THAP5: variants seen among roughly 807,000 people sequenced by gnomAD.
THAP5 encodes THAP domain containing 5.
THAP5 carries 26 observed loss-of-function variants against 34.0 expected under a neutral mutation model. The observed-to-expected ratio is 0.77, with a 90% CI of 0.56 to 1.06. THAP5 has a LOEUF of 1.06. Ranked by LOEUF, THAP5 falls within the 50% of genes least tolerant of loss-of-function variation. THAP5 has a pLI of 0.00. For synonymous variants in THAP5, 125 were observed against 153.0 expected (o/e 0.82, Z 1.35); for missense variants, 394 against 452.8 (o/e 0.87, Z 1.18).
At chr7:108,559,379 A>G (rs1164585797), downstream of THAP5, among the ~76,000 whole-genome samples, 2 of 152,032 alleles carry the variant, frequency 1.3e-5, no homozygotes, top group African/African-American at 4.8e-5. Context: ...TGGAGAGAGG[A>G]AATAAGTGAA....
chr7:108,564,129 A>G lies in THAP5; in HGVS notation c.*62T>C. On this transcript the variant is annotated 3_prime_UTR_variant, in exon 3 of 3. Coordinates refer to ENST00000415914, the MANE Select transcript of THAP5 (RefSeq NM_001130475.3). ...TTATACAGGAAACAGTTCACTTTAC[A>G]TGTAGTTTGGTTTGGCTGGAAAAAG... 10 of 1,314,682 alleles carry G rather than the reference A, an allele frequency of 7.6e-6. No homozygotes were observed. In the South Asian group the frequency reaches 1.5e-4, roughly 20 times the overall value. 81.4% of individuals were successfully genotyped at this position (1,314,682 alleles called of 1,614,324 possible). A position where few individuals can be genotyped will look rare whatever the true frequency, so the allele number is the denominator to read the frequency against.
chr7:108,562,627 C>T lies in THAP5; in HGVS notation c.*1564G>A, dbSNP rs577944403. 2.6e-5 allele frequency: 4 copies of T among 152,284 alleles called. No individual in the cohort carries two copies. Among genetic ancestry groups the T allele is most frequent in the East Asian group, 1.9e-4 (1 of 5,194 alleles). 9.4% of individuals were successfully genotyped at this position (152,284 alleles called of 1,614,324 possible). ...CCACTCTTTAAGGTAAGTAATAGTA[C>T]GTTCTACTTAACAGATGAAAAAACT... is the stretch of plus-strand genomic sequence containing the variant. On this transcript the variant is annotated 3_prime_UTR_variant, in exon 3 of 3. Transcript: ENST00000415914.
downstream of THAP5, among the ~76,000 whole-genome samples, chr7:108,558,564 A>G (rs191123306): frequency 5.3e-4 from 80 of 150,924 alleles, 1 homozygote; most frequent in East Asian, 0.013. Context: ...CACCTGGCTA[A>G]TATTTGTATT....
chr7:108,542,063 C>T, the THAP5 span, among the ~76,000 whole-genome samples: 2 of 152,172 alleles, frequency 1.3e-5, no homozygotes, highest in African/African-American at 2.4e-5. Context: ...AAAAAAAACC[C>T]TTAAATTCAA....
chr7:108,569,016 C>G (rs1790549041), intron 1 of THAP5: 1 of 794,830 alleles, frequency 1.3e-6, no homozygotes, highest in Admixed American at 5.4e-5. Flanking sequence ...TGACACTAAA[C>G]TTTCAAGGTC....
At chr7:108,569,469 T>G in intron 1 of THAP5, 21 bp downstream of exon 1, 2 of 1,551,608 alleles carry the variant, frequency 1.3e-6, no homozygotes, top group Non-Finnish European at 1.7e-6. Context: ...GGCTGACGCT[T>G]CTGCTCCAGA....
intron 1 of THAP5, among the ~76,000 whole-genome samples, chr7:108,567,799 T>C (rs955125475): frequency 2.6e-5 from 4 of 152,228 alleles, no homozygotes; most frequent in African/African-American, 9.6e-5. Flanking sequence ...ATTTTGTGGA[T>C]TACACAAGAA....
At chr7:108,558,342 G>A (rs561567407), downstream of THAP5, among the ~76,000 whole-genome samples, 157 of 135,558 alleles carry the variant, frequency 1.2e-3, 1 homozygote, top group African/African-American at 4.2e-3. Flanking sequence ...GCCACTTGTA[G>A]ATAGTTTTAT....
At chr7:108,546,440 A>G in the THAP5 span, among the ~76,000 whole-genome samples, 8 of 152,232 alleles carry the variant, frequency 5.3e-5, no homozygotes, top group Admixed American at 2.6e-4. Flanking sequence ...CTGGTTCTTC[A>G]GTGATACATA....
chr7:108,569,309 C>G (rs1011339357), intron 1 of THAP5, 181 bp downstream of exon 1: 1 of 1,448,404 alleles, frequency 6.9e-7, no homozygotes, highest in African/African-American at 1.4e-5. Flanking sequence ...AGTCCTCGCG[C>G]AAGAAGGGCA....
chr7:108,547,200 C>T, the THAP5 span, among the ~76,000 whole-genome samples: 3 of 152,210 alleles, frequency 2.0e-5, no homozygotes, highest in African/African-American at 2.4e-5. Flanking sequence ...AATTCTTTCT[C>T]ATCTTTTAAT....
chr7:108,557,874 G>A (rs1353395823), downstream of THAP5, among the ~76,000 whole-genome samples: 1 of 152,144 alleles, frequency 6.6e-6, no homozygotes, highest in Admixed American at 6.6e-5. Flanking sequence ...ACCTAAGACT[G>A]GTTAATTTCT....
the THAP5 span, among the ~76,000 whole-genome samples, chr7:108,545,607 T>C: frequency 6.6e-6 from 1 of 152,208 alleles, no homozygotes; most frequent in African/African-American, 2.4e-5. Flanking sequence ...AATATCTATT[T>C]AGAAAAATAT....
downstream of THAP5, among the ~76,000 whole-genome samples, chr7:108,552,457 T>C (rs918627751): frequency 2.0e-5 from 3 of 152,158 alleles, no homozygotes; most frequent in Non-Finnish European, 2.9e-5. Flanking sequence ...CAAAATGTTG[T>C]TGTGTTTGCT....
exon 2 of THAP5, chr7:108,554,659 A>G (rs1864374034): frequency 6.6e-6 from 1 of 152,234 alleles, no homozygotes; most frequent in South Asian, 2.1e-4. Flanking sequence ...TAGATCTTCA[A>G]GTAGCCTCAT....
rs1025960442 is a variant in THAP5, at chr7:108,564,655, T to C, written c.724A>G (p.Met242Val). 3.7e-6 allele frequency: 6 copies of C among 1,613,906 alleles called. No individual in the cohort carries two copies. The highest frequency in any genetic ancestry group is 1.6e-4 in the Middle Eastern group (1 of 6,080). ...LANPNFTSNSMEIKSAQENPF... is the reference protein window; with the variant it reads ...LANPNFTSNSVEIKSAQENPF... ...TTTTCCTGTGCTGACTTTATTTCCA[T>C]GGAATTACTTGTAAAGTTTGGATTA... is the stretch of plus-strand genomic sequence containing the variant. The change falls in exon 3 of 3, where the codon ATG (methionine) becomes GTG (valine). Residue 242 changes from methionine to valine, a missense_variant. By Grantham distance (21) the Met-to-Val change is conservative. Transcript: ENST00000415914.
intron 1 of THAP5, among the ~76,000 whole-genome samples, chr7:108,566,573 T>A (rs1214653268): frequency 2.0e-5 from 3 of 152,188 alleles, no homozygotes; most frequent in Admixed American, 2.0e-4. Context: ...TTTACTAGCA[T>A]CATCTTTAAT....
Position 108,569,581 on chromosome 7 carries a change from G to A in THAP5, c.-12C>T, listed in dbSNP as rs1790566983. ...CAATAGCGGGGCATGACTCGGGTGA[G>A]GCCCCTGGAGACCGGGGCCGGCGAC... On this transcript the variant is annotated 5_prime_UTR_variant, in exon 1 of 3. Transcript: ENST00000415914. The A allele has an allele frequency of 6.4e-7, 1 of 1,550,862 alleles. No individual in the cohort carries two copies. Among genetic ancestry groups the A allele is most frequent in the Non-Finnish European group, 8.7e-7 (1 of 1,147,018 alleles).
chr7:108,549,214 C>T, the THAP5 span, among the ~76,000 whole-genome samples: 11 of 151,762 alleles, frequency 7.2e-5, no homozygotes, highest in East Asian at 7.8e-4. Flanking sequence ...TTCCACCTCC[C>T]GGGTTCAAGT....
Sources: gnomAD v4.1 joint callset for allele counts (sites outside exome capture counted in the v4.1 genomes callset) on GRCh38, gnomAD v4.1.1 for gene constraint, MANE v1.5 for transcripts, NCBI Gene and HGNC (gene_info 2026-07-23, HGNC 2026-07-21) for gene names.